The following COL6A2 variants were observed in gnomAD, a reference collection of about 807,000 sequenced individuals.
COL6A2 encodes the protein collagen type VI alpha 2 chain, also known as collagen alpha-2(VI) chain.
In COL6A2, 90 loss-of-function variants were observed where a neutral mutation model predicts 124.9. The observed-to-expected ratio is 0.72, with a 90% confidence interval of 0.61 to 0.86. The LOEUF is 0.86. Among genes scored for constraint, COL6A2 ranks in the 40% least tolerant of loss-of-function variants. The pLI is 0.00. For synonymous variants in COL6A2, 793 were observed against 618.2 expected (o/e 1.28, Z -4.19); for missense variants, 1,607 against 1,502.5 (o/e 1.07, Z -1.15).
chr21:46,129,804 C>A (rs780367791), intron 27 of COL6A2: 1 of 1,183,848 alleles, frequency 8.4e-7, no homozygotes, highest in Non-Finnish European at 1.0e-6. Context: ...TAACTCACTC[C>A]CGTCTGCAGA....
chr21:46,098,201 G>A (rs1010984381), intron 1 of COL6A2, 28 bp downstream of exon 1: 3 of 152,160 alleles, frequency 2.0e-5, no homozygotes, highest in African/African-American at 7.2e-5. Context: ...CCCGCACCCT[G>A]GAAGCCGCTC....
chr21:46,127,028 G>C (rs768197687), intron 27 of COL6A2, among the ~76,000 whole-genome samples: 1 of 152,206 alleles, frequency 6.6e-6, no homozygotes, highest in African/African-American at 2.4e-5. Flanking sequence ...CTCTGGGAGT[G>C]GGGGAGCCCA....
chr21:46,100,587 C>T (rs1448691243), intron 1 of COL6A2, among the ~76,000 whole-genome samples: 2 of 152,262 alleles, frequency 1.3e-5, no homozygotes, highest in East Asian at 3.9e-4. Flanking sequence ...TGGCAGCCAC[C>T]ATCCTACTTT....
At chr21:46,124,959 G>C (rs569405852) in intron 23 of COL6A2, 39 bp downstream of exon 23, 1 of 1,611,088 alleles carries the variant, frequency 6.2e-7, no homozygotes, top group Admixed American at 1.7e-5. Flanking sequence ...TCCTTCTCCT[G>C]CCAAAACTAG....
At chr21:46,114,317 C>A (rs955615105) in intron 5 of COL6A2, among the ~76,000 whole-genome samples, 29 of 151,468 alleles carry the variant, frequency 1.9e-4, no homozygotes, top group Non-Finnish European at 2.4e-4. Flanking sequence ...CCCAGCTACT[C>A]GGGAGGCTGA....
intron 17 of COL6A2, 121 bp downstream of exon 17, chr21:46,121,244 C>G: frequency 1.0e-6 from 1 of 994,588 alleles, no homozygotes; most frequent in South Asian, 1.3e-5. Flanking sequence ...CAGAGCCTGG[C>G]CTCAGAAGCC....
Position 46,122,123 on chromosome 21 carries a change from C to G in COL6A2, c.1537C>G (p.Pro513Ala), listed in dbSNP as rs756315481. ...QPGPKGDPGRPGFSYPGPRGA... is the reference protein window; with the variant it reads ...QPGPKGDPGRAGFSYPGPRGA... ...CCTCCTCCAGGGAGACCCCGGCAGGCCTGGATTCAGCTACCCAGGACCCCG... is the reference window on the plus strand; with the variant it reads ...CCTCCTCCAGGGAGACCCCGGCAGGGCTGGATTCAGCTACCCAGGACCCCG... The change falls in exon 19 of 28, where the codon CCT becomes GCT. Residue 513 changes from proline to alanine, a missense_variant. Around this residue, in one of 3 missense-constraint regions of COL6A2, gnomAD observed 1,223 missense variants for 1,052.2 expected, o/e 1.16. Transcript: ENST00000300527. The G allele has an allele frequency of 6.2e-6, 10 of 1,612,734 alleles. No individual in the cohort carries two copies. Among genetic ancestry groups the G allele is most frequent in the Non-Finnish European group, 8.5e-6 (10 of 1,179,980 alleles).
chr21:46,098,370 C>T (rs922463183), intron 1 of COL6A2, among the ~76,000 whole-genome samples, 197 bp downstream of exon 1: 1 of 151,994 alleles, frequency 6.6e-6, no homozygotes, highest in East Asian at 1.9e-4. Flanking sequence ...CCCTGTGGCT[C>T]CGCGTCTCTG....
rs199849336 is a variant in COL6A2 at position 46,125,297 on chromosome 21, C to G, written c.1802C>G (p.Thr601Ser). The change falls in exon 24 of 28, where the codon ACC (threonine) becomes AGC (serine). Residue 601 changes from threonine to serine, a missense_variant. Physicochemically the swap from Thr to Ser is moderately conservative, Grantham distance 58. Around this residue, in one of 3 missense-constraint regions of COL6A2, gnomAD observed 1,223 missense variants for 1,052.2 expected, o/e 1.16. Coordinates refer to ENST00000300527, the MANE Select transcript of COL6A2 (RefSeq NM_001849.4). The part of the protein sequence containing the change: ...ECDVMTYVRE[T>S]CGCCDCEKRC... The stretch of plus-strand genomic sequence containing the variant: ...GACGTCATGACCTACGTGAGGGAGA[C>G]CTGCGGGTGCTGCGGTGAGGCACTG... The G allele has an allele frequency of 6.2e-7, 1 of 1,611,528 alleles. No homozygotes were observed. The highest frequency in any genetic ancestry group is 1.3e-5 in the African/African-American group (1 of 75,024).
chr21:46,122,121 G>A lies in COL6A2; in HGVS notation c.1535G>A (p.Arg512Lys). 6.2e-7 allele frequency: 1 copy of A among 1,612,772 alleles called. No individual in the cohort carries two copies. Among genetic ancestry groups the A allele is most frequent in the Non-Finnish European group, 8.5e-7 (1 of 1,179,984 alleles). Residue 512 changes from arginine (R) to lysine (K), a missense_variant, in exon 19 of 28, where the codon AGG becomes AAG. Arg to Lys is a conservative substitution (Grantham distance 26). This residue lies in a region of COL6A2 where 1,223 missense variants were observed against 1,052.2 expected (regional missense o/e 1.16). Coordinates refer to ENST00000300527, the MANE Select transcript of COL6A2 (RefSeq NM_001849.4). ...GQPGPKGDPG[R>K]PGFSYPGPRG... ...GTCCTCCTCCAGGGAGACCCCGGCAGGCCTGGATTCAGCTACCCAGGACCC... is the reference window on the plus strand; with the variant it reads ...GTCCTCCTCCAGGGAGACCCCGGCAAGCCTGGATTCAGCTACCCAGGACCC...
chr21:46,129,725 CTCTTTA>C (rs1418874024), intron 27 of COL6A2: 106 of 1,397,228 alleles, frequency 7.6e-5, no homozygotes, highest in Non-Finnish European at 9.6e-5. Context: ...TGTGGCCGCT[CTCTTTA>C]TAAGAACCCT....
In COL6A2 at chr21:46,125,629, A is replaced by AGGGGCG; in HGVS notation, c.1969+15_1969+20dup. ...CAAGTCCGAGACAGGTCAGCGGGGC[A>AGGGGCG]GGGGCGGGTGCAGCATTGCGGGGGG... On this transcript the variant is annotated intron_variant, in intron 25 of 27. Coordinates refer to ENST00000300527, the MANE Select transcript of COL6A2 (RefSeq NM_001849.4). The AGGGGCG allele has an allele frequency of 1.0e-6, 1 of 962,868 alleles. No homozygotes were observed. Among genetic ancestry groups the AGGGGCG allele is most frequent in the South Asian group, 1.3e-5 (1 of 79,104 alleles). The allele number at this position is 962,868 out of a possible 1,614,324, so 59.6% of individuals were successfully genotyped here. A position where few individuals can be genotyped will look rare whatever the true frequency, so the allele number is the denominator to read the frequency against.
At chr21:46,125,664 G>T in intron 25 of COL6A2, 47 bp downstream of exon 25, 4 of 1,592,626 alleles carry the variant, frequency 2.5e-6, no homozygotes, top group South Asian at 1.1e-5. Flanking sequence ...GCCGGGCGGG[G>T]CGTGGGAGGC....
At chr21:46,130,657 C>CAGAG (rs1273107407) in intron 27 of COL6A2, among the ~76,000 whole-genome samples, 1 of 152,192 alleles carries the variant, frequency 6.6e-6, no homozygotes, top group Non-Finnish European at 1.5e-5. Flanking sequence ...GATGAATGGA[C>CAGAG]AGAGACCCCC....
chr21:46,122,571 G>C (rs757830027), intron 20 of COL6A2, 40 bp downstream of exon 20: 1 of 1,609,230 alleles, frequency 6.2e-7, no homozygotes, highest in East Asian at 2.2e-5. Context: ...ACCCAGGGTG[G>C]GGGTCTGCAC....
intron 1 of COL6A2, among the ~76,000 whole-genome samples, chr21:46,100,394 T>G (rs2078276839): frequency 6.6e-6 from 1 of 152,210 alleles, no homozygotes; most frequent in South Asian, 2.1e-4. Flanking sequence ...TCCCGAATTT[T>G]TTATTGTGGT....
chr21:46,125,752 C>A (rs766463397), intron 25 of COL6A2, 33 bp from the exon 26 acceptor site: 1 of 1,607,158 alleles, frequency 6.2e-7, no homozygotes, highest in Non-Finnish European at 8.5e-7. Flanking sequence ...ACCCCGAGGC[C>A]TCTGGCAACG....
intron 25 of COL6A2, 45 bp downstream of exon 25, chr21:46,125,662 G>T (rs2078652180): frequency 7.5e-6 from 12 of 1,593,982 alleles, no homozygotes; most frequent in Admixed American, 3.5e-5. Flanking sequence ...GGGCCGGGCG[G>T]GGCGTGGGAG....
intron 15 of COL6A2, among the ~76,000 whole-genome samples, chr21:46,120,087 A>ACAC (rs1470844625): frequency 1.3e-5 from 1 of 77,924 alleles, no homozygotes; most frequent in African/African-American, 3.8e-5. Context: ...GGCACCATTC[A>ACAC]CCCCCGGCCC....
Sources: allele counts gnomAD v4.1 joint callset (sites outside exome capture counted in the v4.1 genomes callset), GRCh38; gene constraint gnomAD v4.1.1; regional missense constraint gnomAD v4.1.1; transcripts MANE v1.5; gene names NCBI Gene and HGNC (gene_info 2026-07-23, HGNC 2026-07-21).